The following SYK variants were observed in gnomAD, a reference collection of about 807,000 sequenced individuals.
The protein encoded by SYK is tyrosine-protein kinase SYK.
A neutral mutation model predicts 77.8 loss-of-function variants in SYK; 16 were observed. The ratio of observed to expected loss-of-function variants is 0.21; its 90% CI spans 0.14 to 0.31. SYK has a LOEUF of 0.31. Among genes scored for constraint, SYK ranks in the 10% least tolerant of loss-of-function variants. The pLI is 1.00. For synonymous variants in SYK, 312 were observed against 308.7 expected (o/e 1.01, Z -0.11); for missense variants, 529 against 814.4 (o/e 0.65, Z 4.26).
In SYK at chr9:90,888,604, C is replaced by T. The variant is rs759119639; in HGVS notation, c.1812C>T (p.Leu604=). 1 of 1,608,418 alleles carries T rather than the reference C, an allele frequency of 6.2e-7. No individual in the cohort carries two copies. Among genetic ancestry groups the T allele is most frequent in the East Asian group, 2.2e-5 (1 of 44,772 alleles). ...GGTGTCCAAGAGAGATGTACGATCT[C>T]ATGAATCTGTGCTGGACATACGAGT... is the stretch of plus-strand genomic sequence containing the variant. ...PAGCPREMYD[L]MNLCWTYDVE... is the part of the protein sequence containing the mutation. Residue 604 remains leucine, a synonymous_variant, in exon 13 of 14, where the codon CTC becomes CTT. Transcript: ENST00000375754.
chr9:90,836,889 T>C (rs562241056), intron 1 of SYK, among the ~76,000 whole-genome samples: 14 of 152,310 alleles, frequency 9.2e-5, no homozygotes, highest in Admixed American at 4.6e-4. Context: ...TTCAGATGGA[T>C]GAGTCATCTT....
intron 1 of SYK, among the ~76,000 whole-genome samples, chr9:90,812,083 T>C (rs1236530171): frequency 1.3e-5 from 2 of 152,020 alleles, no homozygotes; most frequent in Non-Finnish European, 2.9e-5. Flanking sequence ...ATATGTAGCA[T>C]GATCTGGAAG....
chr9:90,813,873 T>C (rs1324994060), intron 1 of SYK, among the ~76,000 whole-genome samples: 1 of 152,146 alleles, frequency 6.6e-6, no homozygotes, highest in East Asian at 1.9e-4. Context: ...AAGCAACACA[T>C]AGGGGGTGCG....
chr9:90,817,753 T>C lies in SYK; in HGVS notation c.-42+15860T>C, dbSNP rs1172184725. The stretch of plus-strand genomic sequence containing the variant: ...AATTATTTCAGCATCATTGTACAAA[T>C]CCAAGGTAGGATCCTCATCTTTGAA... On this transcript the variant is annotated intron_variant, in intron 1 of 13. Transcript: ENST00000375754. 2.0e-5 allele frequency among the ~76,000 whole-genome samples: 3 copies of C among 152,194 alleles called. No homozygotes were observed. The East Asian group carries it at 5.8e-4, about 29-fold the overall frequency.
chr9:90,841,380 G>C (rs111207153), intron 1 of SYK, among the ~76,000 whole-genome samples: 90 of 145,706 alleles, frequency 6.2e-4, no homozygotes, highest in African/African-American at 2.0e-3. Context: ...TGTGTGCAGT[G>C]TGTGTGTAGT....
chr9:90,842,143 G>A (rs936716852), intron 1 of SYK, among the ~76,000 whole-genome samples: 1 of 151,442 alleles, frequency 6.6e-6, no homozygotes, highest in Non-Finnish European at 1.5e-5. Flanking sequence ...TGTGTTGTGT[G>A]TGCAGTGTGT....
At chr9:90,862,883 G>C (rs1171337811) in intron 4 of SYK, among the ~76,000 whole-genome samples, 2 of 152,128 alleles carry the variant, frequency 1.3e-5, no homozygotes, top group Non-Finnish European at 2.9e-5. Context: ...AATGTCAGGT[G>C]CCCTCCTCAT....
intron 9 of SYK, among the ~76,000 whole-genome samples, chr9:90,877,080 G>A (rs1161205791): frequency 4.6e-5 from 7 of 152,152 alleles, no homozygotes; most frequent in African/African-American, 1.7e-4. Flanking sequence ...TAGAAACAGT[G>A]TTTCACTGTG....
chr9:90,887,715 C>G (rs1828631994), intron 11 of SYK, 34 bp from the exon 12 acceptor site: 11 of 1,576,062 alleles, frequency 7.0e-6, no homozygotes, highest in Non-Finnish European at 8.6e-6. Context: ...CAATTTTATT[C>G]TTAATGGAAT....
chr9:90,817,165 C>G (rs1479058620), intron 1 of SYK, among the ~76,000 whole-genome samples: 1 of 152,114 alleles, frequency 6.6e-6, no homozygotes, highest in Non-Finnish European at 1.5e-5. Flanking sequence ...TCTTCTTCTT[C>G]CAGTGTGGCC....
intron 1 of SYK, among the ~76,000 whole-genome samples, chr9:90,841,321 AG>A (rs1564085598): frequency 8.3e-6 from 1 of 119,838 alleles, no homozygotes; most frequent in Non-Finnish European, 1.8e-5. Flanking sequence ...TGCTGCACGT[AG>A]TGTGTTGTGT....
intron 6 of SYK, among the ~76,000 whole-genome samples, chr9:90,866,294 A>G (rs1380772869): frequency 1.3e-5 from 2 of 152,238 alleles, no homozygotes; most frequent in Non-Finnish European, 2.9e-5. Context: ...AAATCTGCAG[A>G]AAGCCAAATA....
chr9:90,811,939 G>GAA lies in SYK; in HGVS notation c.-42+10061_-42+10062dup, dbSNP rs5899108. Among the ~76,000 whole-genome samples the GAA allele has an allele frequency of 5.1e-5, 7 of 136,676 alleles. No homozygotes were observed. The East Asian group carries it at 1.0e-3, about 20-fold the overall frequency. The allele number at this position is 136,676 out of a possible 152,430, so 89.7% of individuals were successfully genotyped here. On this transcript the variant is annotated intron_variant, in intron 1 of 13. Coordinates refer to ENST00000375754, the MANE Select transcript of SYK (RefSeq NM_003177.7). ...AGACCCTGTCTCAAAAATAATAAGTGAAAAAAAAAAAAAAAACCTAAAAAT... is the reference window on the plus strand; with the variant it reads ...AGACCCTGTCTCAAAAATAATAAGTGAAAAAAAAAAAAAAAAAACCTAAAAAT...
intron 11 of SYK, among the ~76,000 whole-genome samples, chr9:90,882,733 TC>T: frequency 6.6e-6 from 1 of 152,110 alleles, no homozygotes; most frequent in East Asian, 1.9e-4. Flanking sequence ...TATTCACACT[TC>T]CAATAGATGG....
chr9:90,844,192 C>A lies in SYK; in HGVS notation c.294C>A (p.Gly98=). ...ACTACCACTCCCAGGAGTCTGATGG[C>A]CTGGTCTGCCTCCTCAAGAAGCCCT... ...LCHYHSQESD[G]LVCLLKKPFN... is the part of the protein sequence containing the mutation. Residue 98 remains glycine (G), a synonymous_variant, in exon 2 of 14, where the codon GGC becomes GGA. Transcript: ENST00000375754. 1 of 1,614,246 alleles carries A rather than the reference C, an allele frequency of 6.2e-7. No individual in the cohort carries two copies. The highest frequency in any genetic ancestry group is 8.5e-7 in the Non-Finnish European group (1 of 1,180,036).
At chr9:90,814,846 A>ACG (rs754638321) in intron 1 of SYK, among the ~76,000 whole-genome samples, 11 of 60,236 alleles carry the variant, frequency 1.8e-4, no homozygotes, top group Non-Finnish European at 3.1e-4. Flanking sequence ...ACACACACAC[A>ACG]CACACACACA....
intron 6 of SYK, 23 bp from the exon 7 acceptor site, chr9:90,867,108 C>A (rs200068133): frequency 1.4e-4 from 226 of 1,613,400 alleles, no homozygotes; most frequent in Admixed American, 4.2e-4. Flanking sequence ...TTTACTGTTC[C>A]TCTTTGCCGT....
intron 3 of SYK, among the ~76,000 whole-genome samples, chr9:90,847,156 G>A (rs1239647908): frequency 2.0e-5 from 3 of 152,218 alleles, no homozygotes; most frequent in Non-Finnish European, 2.9e-5. Flanking sequence ...GCTGGGAGGT[G>A]CAGCTCTTGT....
chr9:90,885,502 A>G (rs907109712), intron 11 of SYK, among the ~76,000 whole-genome samples: 3 of 152,320 alleles, frequency 2.0e-5, no homozygotes, highest in African/African-American at 7.2e-5. Flanking sequence ...AAAAGAATAA[A>G]AAAGAATGAG....
Sources: gnomAD v4.1 joint callset for allele counts (sites outside exome capture counted in the v4.1 genomes callset) on GRCh38, gnomAD v4.1.1 for gene constraint, MANE v1.5 for transcripts, NCBI Gene and HGNC (gene_info 2026-07-23, HGNC 2026-07-21) for gene names.